The following ACOX3 variants were observed in gnomAD, a reference collection of about 807,000 sequenced individuals.
ACOX3 encodes peroxisomal acyl-coenzyme A oxidase 3.
In ACOX3, 73 loss-of-function variants were observed where a neutral mutation model predicts 81.5. That is an observed-to-expected ratio of 0.90 (90% confidence interval 0.74 to 1.09). The LOEUF is 1.09. Among genes scored for constraint, ACOX3 ranks in the 50% least tolerant of loss-of-function variants. The pLI, the probability that ACOX3 is intolerant of heterozygous loss-of-function variation, is 0.00. For synonymous variants in ACOX3, 387 were observed against 375.1 expected (o/e 1.03, Z -0.37); for missense variants, 947 against 928.0 (o/e 1.02, Z -0.27).
At chr4:8,356,250 T>C in the ACOX3 span, 8 of 338,664 alleles carry the variant, frequency 2.4e-5, no homozygotes, top group Non-Finnish European at 4.7e-5. Context: ...CTGGTGTCCA[T>C]CCAGGAGCCT....
chr4:8,395,081 G>C (rs546167402), intron 9 of ACOX3, among the ~76,000 whole-genome samples: 3 of 152,144 alleles, frequency 2.0e-5, no homozygotes, highest in African/African-American at 4.8e-5. Flanking sequence ...CCAACTCCCC[G>C]GCACACGGAC....
rs370761464 is a variant in ACOX3 at position 8,420,640 on chromosome 4, A to AC, written c.-14-4106dup. ...CCAGATCAGGCAACGCCCTTTGGGT[A>AC]CCCCCCCGTTGAATGGGAGCTCTGT... On this transcript the variant is annotated intron_variant, in intron 1 of 17. Coordinates refer to ENST00000356406, the MANE Select transcript of ACOX3 (RefSeq NM_003501.3). Among the ~76,000 whole-genome samples the AC allele has an allele frequency of 1.4e-3, 218 of 152,170 alleles. 2 individuals are homozygous for AC. The highest frequency in any genetic ancestry group is 3.7e-3 in the East Asian group (19 of 5,184).
chr4:8,357,965 G>A, the ACOX3 span: 2 of 154,204 alleles, frequency 1.3e-5, no homozygotes, highest in African/African-American at 4.8e-5. Context: ...GGCTCGGGAT[G>A]CCCCATTATA....
chr4:8,394,482 T>C lies in ACOX3; in HGVS notation c.1179+138A>G. On this transcript the variant is annotated intron_variant, in intron 10 of 17. Coordinates refer to ENST00000356406, the MANE Select transcript of ACOX3 (RefSeq NM_003501.3). This position sits in a 1 kb window ranked among gnomAD's most constrained non-coding sequence, Gnocchi z 5.9. ...CGCGGCAGAGGCCAAGAGCTCCGAG[T>C]GGGTGGGAACAACTGGAGGAATGCT... The C allele has an allele frequency of 7.5e-7, 1 of 1,342,088 alleles. No homozygotes were observed. The highest frequency in any genetic ancestry group is 9.9e-7 in the Non-Finnish European group (1 of 1,009,640). The allele number at this position is 1,342,088 out of a possible 1,614,324, so 83.1% of individuals were successfully genotyped here.
At chr4:8,411,685 GCC>G (rs2108962054) in intron 5 of ACOX3, among the ~76,000 whole-genome samples, 1 of 152,328 alleles carries the variant, frequency 6.6e-6, no homozygotes, top group African/African-American at 2.4e-5. Context: ...CTGTCTGGCT[GCC>G]TCCCTGCGCC....
In ACOX3 at chr4:8,382,965, T is replaced by C. The variant is rs1297790584; in HGVS notation, c.1538-1358A>G. Among the ~76,000 whole-genome samples, 5 of 122,546 alleles carry C rather than the reference T, an allele frequency of 4.1e-5. No homozygotes were observed. The highest frequency in any genetic ancestry group is 2.6e-4 in the South Asian group (1 of 3,878). The allele number at this position is 122,546 out of a possible 152,430, so 80.4% of individuals were successfully genotyped here. A position where few individuals can be genotyped will look rare whatever the true frequency, so the allele number is the denominator to read the frequency against. On this transcript the variant is annotated intron_variant, in intron 13 of 17. Transcript: ENST00000356406. This position sits in a 1 kb window ranked among gnomAD's most constrained non-coding sequence, Gnocchi z 4.1. ...GAGATCGCGCCACTGCACTCCAGCC[T>C]GGGCGACAGAGCGAGACTCCGTCTC...
chr4:8,411,494 C>T lies in ACOX3; in HGVS notation c.544-1139G>A, dbSNP rs3756184. ...CAGGGGACCACCAGCTCTTCGCCTG[C>T]GAGGGTAAGGAGGGCTCCCAGTCTC... On this transcript the variant is annotated intron_variant, in intron 5 of 17. Transcript: ENST00000356406. 3.5e-4 allele frequency among the ~76,000 whole-genome samples: 54 copies of T among 152,252 alleles called. 1 individual carries two copies. In the East Asian group the frequency reaches 0.01, roughly 29 times the overall value.
At chr4:8,438,077 G>C (rs1439503993) in intron 1 of ACOX3, among the ~76,000 whole-genome samples, 1 of 152,242 alleles carries the variant, frequency 6.6e-6, no homozygotes, top group Non-Finnish European at 1.5e-5. Context: ...CTTGCTTATA[G>C]ACTTTACAGA....
At chr4:8,367,806 C>CAAAAAA (rs535574857) in intron 17 of ACOX3, among the ~76,000 whole-genome samples, 3 of 46,696 alleles carry the variant, frequency 6.4e-5, no homozygotes, top group African/African-American at 1.9e-4. Context: ...CCCATCTTTA[C>CAAAAAA]AAAAAAAAAA....
intron 16 of ACOX3, 97 bp downstream of exon 16, chr4:8,373,464 C>A (rs773749144): frequency 4.0e-5 from 51 of 1,271,676 alleles, no homozygotes; most frequent in Non-Finnish European, 5.4e-5. Flanking sequence ...GATACTAAGG[C>A]GGTGCGTGTC....
intron 1 of ACOX3, among the ~76,000 whole-genome samples, chr4:8,420,629 G>A (rs943630707): frequency 3.3e-5 from 5 of 152,170 alleles, no homozygotes; most frequent in African/African-American, 4.8e-5. Flanking sequence ...ATCAGGCAAC[G>A]CCCTTTGGGT....
chr4:8,393,692 T>C (rs1719337427), intron 10 of ACOX3, among the ~76,000 whole-genome samples: 1 of 151,504 alleles, frequency 6.6e-6, no homozygotes, highest in Non-Finnish European at 1.5e-5. Context: ...ATTTTATGAG[T>C]GTTTTCAACT....
chr4:8,405,272 T>C lies in ACOX3; in HGVS notation c.776+683A>G, dbSNP rs1034542880. On this transcript the variant is annotated intron_variant, in intron 7 of 17. Transcript: ENST00000356406. This position sits in a 1 kb window ranked among gnomAD's most constrained non-coding sequence, Gnocchi z 7.1. The stretch of plus-strand genomic sequence containing the variant: ...GGGCCTGACACTTCCCACTGCTTCC[T>C]CCACCTGAAACGCTGCACATTCCAA... 6.6e-5 allele frequency among the ~76,000 whole-genome samples: 10 copies of C among 152,216 alleles called. No homozygotes were observed. Among genetic ancestry groups the C allele is most frequent in the African/African-American group, 2.4e-4 (10 of 41,526 alleles).
At position 8,373,602 on chromosome 4, in the gene ACOX3, C is replaced by A. The variant is rs769468299; in HGVS notation, c.1855G>T (p.Gly619Ter). The A allele has an allele frequency of 1.9e-6, 3 of 1,613,448 alleles. No homozygotes were observed. In the East Asian group the frequency reaches 6.7e-5, roughly 36 times the overall value. ...AGGACGGCGCTCTCCAACACTTCTC[C>A]CGCCTGCTCACCGGAGAAGTATCCT... ...RGGYFSGEQA[G>*]EVLESAVLAL... Residue 619 changes from glycine to a stop codon, truncating the protein, a stop_gained, in exon 16 of 18, where the codon GGA becomes TGA. Transcript: ENST00000356406. LOFTEE classifies it high-confidence loss of function.
chr4:8,374,043 C>A, intron 15 of ACOX3: 2 of 215,148 alleles, frequency 9.3e-6, no homozygotes, highest in Non-Finnish European at 1.9e-5. Context: ...TGGGACCACC[C>A]AGGGGAGTTG....
At chr4:8,440,248 C>T (rs1325024140) in intron 1 of ACOX3, among the ~76,000 whole-genome samples, 4 of 152,354 alleles carry the variant, frequency 2.6e-5, no homozygotes, top group Non-Finnish European at 5.9e-5. Context: ...GCAAGTCTGC[C>T]GATGCTCCCG....
intron 7 of ACOX3, among the ~76,000 whole-genome samples, chr4:8,403,435 C>T (rs1031424413): frequency 6.6e-6 from 1 of 152,180 alleles, no homozygotes; most frequent in African/African-American, 2.4e-5. Flanking sequence ...CCTGCATCAC[C>T]CCGGCTGGCT....
At position 8,389,544 on chromosome 4, in the gene ACOX3, G is replaced by A; in HGVS notation, c.1423+68C>T. On this transcript the variant is annotated intron_variant, in intron 12 of 17. Transcript: ENST00000356406. The surrounding 1 kb of genome is among the most constrained non-coding windows in gnomAD (Gnocchi z 5.3). ...ATTCACAGAACAGCTGAATCAGTGA[G>A]GCCAGGAGAACCCACCCCTGCCCCA... 1 of 1,606,130 alleles carries A rather than the reference G, an allele frequency of 6.2e-7. No individual in the cohort carries two copies. Among genetic ancestry groups the A allele is most frequent in the Non-Finnish European group, 8.5e-7 (1 of 1,176,650 alleles).
In ACOX3 at chr4:8,432,597, C is replaced by A. The variant is rs575379086; in HGVS notation, c.-15+8051G>T. Among the ~76,000 whole-genome samples the A allele has an allele frequency of 6.6e-6, 1 of 152,078 alleles. No homozygotes were observed. Among genetic ancestry groups the A allele is most frequent in the African/African-American group, 2.4e-5 (1 of 41,450 alleles). On this transcript the variant is annotated intron_variant, in intron 1 of 17. Transcript: ENST00000356406. The surrounding 1 kb of genome is among the most constrained non-coding windows in gnomAD (Gnocchi z 6.2). The stretch of plus-strand genomic sequence containing the variant: ...TAACGGGTTTCTATGCTGTTAAGGT[C>A]TTGGCATCAGATGAGTTTCTGGCTG...
Sources: allele counts gnomAD v4.1 joint callset (sites outside exome capture counted in the v4.1 genomes callset), GRCh38; gene constraint gnomAD v4.1.1; non-coding constraint Gnocchi (gnomAD v3.1); transcripts MANE v1.5; gene names NCBI Gene and HGNC (gene_info 2026-07-23, HGNC 2026-07-21).